SIRPB1: variants seen among roughly 807,000 people sequenced by gnomAD.
SIRPB1 encodes signal regulatory protein beta 1, also known as signal-regulatory protein beta-1.
A neutral mutation model predicts 34.1 loss-of-function variants in SIRPB1; 28 were observed. The observed-to-expected ratio is 0.82, with a 90% CI of 0.61 to 1.12. The LOEUF is 1.12. Ranked by LOEUF, SIRPB1 falls within the 50% of genes most tolerant of loss-of-function variation. SIRPB1 has a pLI of 0.00. For missense variants in SIRPB1, 499 were observed against 507.0 expected, an observed-to-expected ratio of 0.98 and a Z score of 0.15; for synonymous variants, 211 against 203.8, an observed-to-expected ratio of 1.04 and a Z score of -0.30.
At chr20:1,569,045 A>T (rs1405204346) in intron 4 of SIRPB1, among the ~76,000 whole-genome samples, 1 of 152,244 alleles carries the variant, frequency 6.6e-6, no homozygotes. Flanking sequence ...TTATGAGAGG[A>T]TATTATGAAC....
intron 1 of SIRPB1, among the ~76,000 whole-genome samples, chr20:1,595,745 C>T (rs974762633): frequency 6.1e-5 from 3 of 48,892 alleles, no homozygotes; most frequent in Admixed American, 4.1e-4. Flanking sequence ...CTTGCAGCTT[C>T]AGAGACCATA....
intron 4 of SIRPB1, among the ~76,000 whole-genome samples, chr20:1,570,208 G>C (rs545946549): frequency 1.1e-4 from 17 of 152,224 alleles, no homozygotes; most frequent in Admixed American, 3.9e-4. Context: ...ACAGAAATTT[G>C]CATATAGTAA....
chr20:1,570,696 A>T, intron 4 of SIRPB1, 109 bp downstream of exon 4: 1 of 972,156 alleles, frequency 1.0e-6, no homozygotes, highest in Non-Finnish European at 1.5e-6. Flanking sequence ...TGTAGACGTT[A>T]AAATTCTACT....
intron 2 of SIRPB1, chr20:1,578,127 G>A (rs2091343587): frequency 3.4e-6 from 2 of 593,262 alleles, no homozygotes; most frequent in Admixed American, 6.0e-5. Context: ...GATGCCTTCT[G>A]TCCCATCATT....
chr20:1,612,232 C>T (rs2091576501), intron 1 of SIRPB1, among the ~76,000 whole-genome samples: 1 of 71,890 alleles, frequency 1.4e-5, no homozygotes, highest in Non-Finnish European at 2.6e-5. Context: ...TGGGCTCAAG[C>T]AATGCATCTG....
chr20:1,563,829 A>C lies in SIRPB1; in HGVS notation c.*1671T>G, dbSNP rs1242237027. The C allele has an allele frequency of 6.6e-6, 1 of 152,434 alleles. No individual in the cohort carries two copies. Among genetic ancestry groups the C allele is most frequent in the African/African-American group, 2.4e-5 (1 of 41,400 alleles). The allele number at this position is 152,434 out of a possible 1,614,324, so 9.4% of individuals were successfully genotyped here. On this transcript the variant is annotated 3_prime_UTR_variant, in exon 6 of 6. Transcript: ENST00000381605. ...TGAGATCTTATGAGAACTCACTATC[A>C]CAAGAACAGCAAGGGGGAAGTCCGC...
chr20:1,566,377 C>G lies in SIRPB1; in HGVS notation c.1085-110G>C, dbSNP rs2091135544. 4.9e-6 allele frequency: 3 copies of G among 614,570 alleles called. No homozygotes were observed. The East Asian group carries it at 8.8e-5, about 18-fold the overall frequency. The allele number at this position is 614,570 out of a possible 1,614,324, so 38.1% of individuals were successfully genotyped here. On this transcript the variant is annotated intron_variant, in intron 4 of 5. Coordinates refer to ENST00000381605, the MANE Select transcript of SIRPB1 (RefSeq NM_006065.5). ...ACCTGGGCCCATCAATCCTCTGAAG[C>G]TTTTGAACTTGCATCCTGCTCTGGC... is the stretch of plus-strand genomic sequence containing the variant.
rs1422356468 is a variant in SIRPB1, at chr20:1,597,735, G to A, written c.77-19041C>T. ...TCATTTTTCTCCTTAAAACCAGGAT[G>A]AGTGTTAATTTGTATTCAGGAGGCA... On this transcript the variant is annotated intron_variant, in intron 1 of 5. Coordinates refer to ENST00000381605, the MANE Select transcript of SIRPB1 (RefSeq NM_006065.5). 2 of 354,042 alleles carry A rather than the reference G, an allele frequency of 5.6e-6. 1 individual carries two copies. The highest frequency in any genetic ancestry group is 2.5e-4 in the Admixed American group (2 of 7,930). 21.9% of individuals were successfully genotyped at this position (354,042 alleles called of 1,614,324 possible). A position where few individuals can be genotyped will look rare whatever the true frequency, so the allele number is the denominator to read the frequency against.
Position 1,565,139 on chromosome 20 carries a change from A to C in SIRPB1, c.*361T>G. 1 of 398,418 alleles carries C rather than the reference A, an allele frequency of 2.5e-6. No individual in the cohort carries two copies. The highest frequency in any genetic ancestry group is 1.3e-4 in the South Asian group (1 of 7,560). 24.7% of individuals were successfully genotyped at this position (398,418 alleles called of 1,614,324 possible). On this transcript the variant is annotated 3_prime_UTR_variant, in exon 6 of 6. Coordinates refer to ENST00000381605, the MANE Select transcript of SIRPB1 (RefSeq NM_006065.5). ...CAAGGCTGGGGGAGTTGGGGTAGGC[A>C]GGAATCCAGAAGACAGGATAACTCT...
chr20:1,579,076 C>T (rs890542596), intron 1 of SIRPB1, among the ~76,000 whole-genome samples: 3 of 147,812 alleles, frequency 2.0e-5, no homozygotes, highest in African/African-American at 7.4e-5. Flanking sequence ...CTTGGCCTGC[C>T]AAGTAGCTGG....
chr20:1,611,474 G>A lies in SIRPB1; in HGVS notation c.76+8395C>T, dbSNP rs1135201. 48 of 927,752 alleles carry A rather than the reference G, an allele frequency of 5.2e-5. 9 individuals carry two copies. The highest frequency in any genetic ancestry group is 6.2e-5 in the Non-Finnish European group (43 of 690,248). 57.5% of individuals were successfully genotyped at this position (927,752 alleles called of 1,614,324 possible). A position where few individuals can be genotyped will look rare whatever the true frequency, so the allele number is the denominator to read the frequency against. The stretch of plus-strand genomic sequence containing the variant: ...TCTGCTGGGGTGATGTTACTGATGC[G>A]GATGGAAAAGTCCATGTTGTTTCTC... On this transcript the variant is annotated intron_variant, in intron 1 of 5. Coordinates refer to ENST00000381605, the MANE Select transcript of SIRPB1 (RefSeq NM_006065.5).
rs1030048134 is a variant in SIRPB1, at chr20:1,564,665, T to A, written c.*835A>T. On this transcript the variant is annotated 3_prime_UTR_variant, in exon 6 of 6. Coordinates refer to ENST00000381605, the MANE Select transcript of SIRPB1 (RefSeq NM_006065.5). ...TGGACTGGGCCCTGAAAACCAATTG[T>A]TAAATTTCAGGAATCTTGCAATCTG... 5.6e-6 allele frequency: 2 copies of A among 358,122 alleles called. No individual in the cohort carries two copies. The highest frequency in any genetic ancestry group is 4.2e-5 in the African/African-American group (2 of 47,846). 22.2% of individuals were successfully genotyped at this position (358,122 alleles called of 1,614,324 possible).
At position 1,563,979 on chromosome 20, in the gene SIRPB1, A is replaced by G. The variant is rs2091099168; in HGVS notation, c.*1521T>C. ...ACTCCATATTAGAAATATACAAAAA[A>G]AGGCAAGCACTCTTCCAACTACTCT... is the stretch of plus-strand genomic sequence containing the variant. On this transcript the variant is annotated 3_prime_UTR_variant, in exon 6 of 6. Coordinates refer to ENST00000381605, the MANE Select transcript of SIRPB1 (RefSeq NM_006065.5). 1 of 152,140 alleles carries G rather than the reference A, an allele frequency of 6.6e-6. No individual in the cohort carries two copies. The highest frequency in any genetic ancestry group is 2.1e-4 in the South Asian group (1 of 4,824). 9.4% of individuals were successfully genotyped at this position (152,140 alleles called of 1,614,324 possible).
At position 1,578,428 on chromosome 20, in the gene SIRPB1, C is replaced by A. The variant is rs201259964; in HGVS notation, c.343G>T (p.Ala115Ser). Reference protein sequence around the residue: ...ISISNITPADAGTYYCVKFRK... With the variant: ...ISISNITPADSGTYYCVKFRK... Reference sequence around the variant, plus strand: ...AACTTCACACAGTAGTAGGTGCCGGCGTCTGCTGGGGTGATGTTACTGATG... The same window carrying A: ...AACTTCACACAGTAGTAGGTGCCGGAGTCTGCTGGGGTGATGTTACTGATG... The change falls in exon 2 of 6, where the codon GCC becomes TCC. Residue 115 changes from alanine (A) to serine (S), a missense_variant. Ala to Ser is a moderately conservative substitution (Grantham distance 99, BLOSUM62 1). Coordinates refer to ENST00000381605, the MANE Select transcript of SIRPB1 (RefSeq NM_006065.5). The A allele has an allele frequency of 1.3e-6, 2 of 1,585,026 alleles. No homozygotes were observed. Among genetic ancestry groups the A allele is most frequent in the East Asian group, 2.2e-5 (1 of 44,856 alleles).
intron 1 of SIRPB1, among the ~76,000 whole-genome samples, chr20:1,614,378 A>C (rs1600164448): frequency 6.6e-6 from 1 of 152,192 alleles, no homozygotes; most frequent in African/African-American, 2.4e-5. Flanking sequence ...AGCTGTGAGC[A>C]CCCTGCCCAG....
chr20:1,571,319 G>A (rs2091233059), intron 3 of SIRPB1, among the ~76,000 whole-genome samples, 182 bp from the exon 4 acceptor site: 1 of 152,200 alleles, frequency 6.6e-6, no homozygotes, highest in Admixed American at 6.5e-5. Context: ...CACAGTGCCT[G>A]GCGCACAGTA....
At position 1,619,952 on chromosome 20, in the gene SIRPB1, A is replaced by C; in HGVS notation, c.-8T>G. 6.2e-7 allele frequency: 1 copy of C among 1,612,514 alleles called. No individual in the cohort carries two copies. Among genetic ancestry groups the C allele is most frequent in the East Asian group, 2.2e-5 (1 of 44,846 alleles). On this transcript the variant is annotated 5_prime_UTR_variant, in exon 1 of 6. Coordinates refer to ENST00000381605, the MANE Select transcript of SIRPB1 (RefSeq NM_006065.5). ...GGAGGCTGGCACGGGCATTCTGGAG[A>C]CCTTAGGAGCCTGCTCTGTCCAAAC...
In SIRPB1 at chr20:1,570,839, C is replaced by T. The variant is rs2254458; in HGVS notation, c.1050G>A (p.Ala350=). The change falls in exon 4 of 6, where the codon GCG becomes GCA. Residue 350 remains alanine, a synonymous_variant. Transcript: ENST00000381605. ...TATCTGAGCCGTGCTCCTTCTGGTG[C>T]GCTGAGATCTCCAGGGCATAGCTTT... ...VSKSYALEIS[A]HQKEHGSDIT... 1,067,091 of 1,613,606 alleles carry T rather than the reference C, an allele frequency of 0.66. 355,412 individuals are homozygous for T. Among genetic ancestry groups the T allele is most frequent in the African/African-American group, 0.81 (60,997 of 74,982 alleles).
chr20:1,569,977 G>T (rs1329969277), intron 4 of SIRPB1, among the ~76,000 whole-genome samples: 1 of 152,244 alleles, frequency 6.6e-6, no homozygotes, highest in East Asian at 1.9e-4. Flanking sequence ...AAGCGCAGCA[G>T]AAAGGGAAAG....
Sources: gnomAD v4.1 joint callset for allele counts (sites outside exome capture counted in the v4.1 genomes callset) on GRCh38, gnomAD v4.1.1 for gene constraint, MANE v1.5 for transcripts, NCBI Gene and HGNC (gene_info 2026-07-23, HGNC 2026-07-21) for gene names.